RYR2: variants seen among roughly 807,000 people sequenced by gnomAD.
RYR2 encodes the protein ryanodine receptor 2.
RYR2 carries 227 observed loss-of-function variants against 601.1 expected under a neutral mutation model. The observed-to-expected ratio is 0.38, with a 90% CI of 0.34 to 0.42. RYR2 has a LOEUF of 0.42. Ranked by LOEUF, RYR2 falls within the 10% of genes least tolerant of loss-of-function variation. The pLI is 1.00. For missense variants in RYR2, 4,646 were observed against 6,156.5 expected (o/e 0.75, Z 8.21); for synonymous variants, 2,223 against 2,175.1 (o/e 1.02, Z -0.61).
chr1:237,331,132 T>C, intron 3 of RYR2, 150 bp downstream of exon 3: 1 of 705,548 alleles, frequency 1.4e-6, no homozygotes, highest in South Asian at 1.6e-5. Flanking sequence ...CTTTCTGCTT[T>C]ATCTAGCATA....
At chr1:237,831,705 T>A (rs1663810470) in intron 104 of RYR2, 140 bp downstream of exon 104, 2 of 593,874 alleles carry the variant, frequency 3.4e-6, no homozygotes, top group African/African-American at 1.9e-5. Context: ...AAAGTTCCTG[T>A]TATGTTGAAT....
At chr1:237,634,324 C>T (rs1363947299) in intron 43 of RYR2, among the ~76,000 whole-genome samples, 1 of 151,952 alleles carries the variant, frequency 6.6e-6, no homozygotes, top group Non-Finnish European at 1.5e-5. Context: ...CATGGATGAA[C>T]CTGGAGGATA....
chr1:237,745,852 C>T (rs1692026950), intron 80 of RYR2, among the ~76,000 whole-genome samples: 1 of 151,918 alleles, frequency 6.6e-6, no homozygotes, highest in African/African-American at 2.4e-5. Flanking sequence ...CTGGGAATTG[C>T]CACACATTTA....
intron 12 of RYR2, among the ~76,000 whole-genome samples, chr1:237,425,699 A>G (rs1226866984): frequency 6.6e-6 from 1 of 151,872 alleles, no homozygotes; most frequent in Non-Finnish European, 1.5e-5. Context: ...TGGACCATCA[A>G]CAAAATTGGT....
intron 21 of RYR2, among the ~76,000 whole-genome samples, chr1:237,502,031 G>T (rs1361207374): frequency 6.6e-6 from 1 of 151,980 alleles, no homozygotes; most frequent in Non-Finnish European, 1.5e-5. Context: ...AGTTTTGTAT[G>T]CCTGTAGTCT....
At chr1:237,602,629 A>G (rs757311995) in intron 35 of RYR2, among the ~76,000 whole-genome samples, 8 of 152,200 alleles carry the variant, frequency 5.3e-5, no homozygotes, top group Non-Finnish European at 1.2e-4. Context: ...AAAAATATGT[A>G]AGAGTGAACA....
intron 1 of RYR2, among the ~76,000 whole-genome samples, 159 bp downstream of exon 1, chr1:237,042,728 C>T (rs1660064444): frequency 6.6e-6 from 1 of 152,070 alleles, no homozygotes; most frequent in African/African-American, 2.4e-5. Flanking sequence ...CAAGTGTGTG[C>T]AGGTGTGCGT....
At chr1:237,331,632 A>G (rs1219526167) in intron 3 of RYR2, among the ~76,000 whole-genome samples, 4 of 150,244 alleles carry the variant, frequency 2.7e-5, no homozygotes, top group African/African-American at 9.8e-5. Context: ...CCTCCTGAGT[A>G]GCTGGGACTA....
chr1:237,570,422 T>C (rs565129303), intron 29 of RYR2, among the ~76,000 whole-genome samples: 1 of 150,598 alleles, frequency 6.6e-6, no homozygotes, highest in Non-Finnish European at 1.5e-5. Context: ...CACTACAACC[T>C]CTGCCTCCTG....
In RYR2 at chr1:237,674,136, G is replaced by A. The variant is rs1060503848; in HGVS notation, c.8631G>A (p.Leu2877=). 2 of 1,611,980 alleles carry A rather than the reference G, an allele frequency of 1.2e-6. No homozygotes were observed. Among genetic ancestry groups the A allele is most frequent in the Admixed American group, 3.3e-5 (2 of 59,990 alleles). ...CTCTGCTGGTGCCCTATGATACACT[G>A]ACAGCCAAAGAGAAAGCCAAGGATA... The part of the protein sequence containing the change: ...NHPLLVPYDT[L]TAKEKAKDRE... The change falls in exon 59 of 105, where the codon CTG becomes CTA. Residue 2877 remains leucine (L), a synonymous_variant. Coordinates refer to ENST00000366574, the MANE Select transcript of RYR2 (RefSeq NM_001035.3).
Position 237,379,218 on chromosome 1 carries a change from CTTG to C in RYR2, c.576+1798_576+1800del, listed in dbSNP as rs918134534. On this transcript the variant is annotated intron_variant, in intron 8 of 104. Coordinates refer to ENST00000366574, the MANE Select transcript of RYR2 (RefSeq NM_001035.3). ...ATTTTGACATAACTATGAATTTTTT[CTTG>C]TTGTTGTTGTTGTTTTACAATTTGT... Among the ~76,000 whole-genome samples the C allele has an allele frequency of 9.9e-5, 15 of 152,060 alleles. No homozygotes were observed. In the South Asian group the frequency reaches 1.0e-3, roughly 11 times the overall value.
intron 29 of RYR2, among the ~76,000 whole-genome samples, chr1:237,574,943 G>A (rs911012849): frequency 6.6e-6 from 1 of 152,160 alleles, no homozygotes; most frequent in Non-Finnish European, 1.5e-5. Context: ...AATGAGTATT[G>A]CTTTAAATGG....
rs548868346 is a variant in RYR2, at chr1:237,733,211, C to T, written c.11040-494C>T. 9.2e-5 allele frequency among the ~76,000 whole-genome samples: 14 copies of T among 152,290 alleles called. No individual in the cohort carries two copies. The East Asian group carries it at 2.7e-3, about 29-fold the overall frequency. On this transcript the variant is annotated intron_variant, in intron 78 of 104. Coordinates refer to ENST00000366574, the MANE Select transcript of RYR2 (RefSeq NM_001035.3). ...TGGTGGAAACTTTTCTTCACGTAGTCATGGTTTCCATGCTTCTCAAAAAGA... is the reference window on the plus strand; with the variant it reads ...TGGTGGAAACTTTTCTTCACGTAGTTATGGTTTCCATGCTTCTCAAAAAGA...
rs559477782 is a variant in RYR2 at position 237,243,942 on chromosome 1, G to A, written c.49-26555G>A. ...GCCAGCTGTGAGATAGGCAGAGAGA[G>A]CTCCTCCTTCCTCAGTTTCATTACT... On this transcript the variant is annotated intron_variant, in intron 1 of 104. Transcript: ENST00000366574. Among the ~76,000 whole-genome samples, 18 of 152,318 alleles carry A rather than the reference G, an allele frequency of 1.2e-4. 1 individual carries two copies. In the South Asian group the frequency reaches 3.7e-3, roughly 32 times the overall value.
intron 1 of RYR2, among the ~76,000 whole-genome samples, chr1:237,168,504 T>C (rs541284143): frequency 6.6e-6 from 1 of 152,282 alleles, no homozygotes; most frequent in African/African-American, 2.4e-5. Context: ...ACCAGGTTGA[T>C]AGATTTCCAA....
chr1:237,172,023 T>C (rs1346542556), intron 1 of RYR2, among the ~76,000 whole-genome samples: 1 of 152,254 alleles, frequency 6.6e-6, no homozygotes, highest in Non-Finnish European at 1.5e-5. Flanking sequence ...AGCTTGGCTG[T>C]GCCCTTACAA....
chr1:237,338,149 T>A (rs1337528311), intron 3 of RYR2, among the ~76,000 whole-genome samples: 1 of 152,134 alleles, frequency 6.6e-6, no homozygotes, highest in Non-Finnish European at 1.5e-5. Context: ...TACCCTATCA[T>A]GGATGTGCTG....
chr1:237,448,809 C>T (rs1420350251), intron 14 of RYR2, among the ~76,000 whole-genome samples: 2 of 151,912 alleles, frequency 1.3e-5, no homozygotes, highest in Non-Finnish European at 2.9e-5. Context: ...TAGTTTCCCC[C>T]CACCCCACCT....
chr1:237,827,992 A>G (rs1362003390), intron 101 of RYR2, among the ~76,000 whole-genome samples: 2 of 148,492 alleles, frequency 1.3e-5, no homozygotes, highest in Admixed American at 1.3e-4. Flanking sequence ...TCTTCGTTTA[A>G]GTGGTGATGT....
Sources: gnomAD v4.1 joint callset for allele counts (sites outside exome capture counted in the v4.1 genomes callset) on GRCh38, gnomAD v4.1.1 for gene constraint, MANE v1.5 for transcripts, NCBI Gene and HGNC (gene_info 2026-07-23, HGNC 2026-07-21) for gene names.